Variants in ADGRB3 observed in about 807,000 individuals in gnomAD.
The protein encoded by ADGRB3 is adhesion G protein-coupled receptor B3.
ADGRB3 carries 37 observed loss-of-function variants against 193.4 expected under a neutral mutation model. The ratio of observed to expected loss-of-function variants is 0.19; its 90% CI spans 0.15 to 0.25. The LOEUF (loss-of-function observed/expected upper bound fraction) is 0.25. Among genes scored for constraint, ADGRB3 ranks in the 10% least tolerant of loss-of-function variants. The probability of loss-of-function intolerance (pLI) is 1.00; values close to 1 mark genes in which losing one functional copy is unlikely to be tolerated. For missense variants in ADGRB3, 1,637 were observed against 1,852.9 expected (o/e 0.88, Z 2.14); for synonymous variants, 690 against 644.2 (o/e 1.07, Z -1.08).
At chr6:69,088,354 T>C (rs1772607916) in intron 17 of ADGRB3, among the ~76,000 whole-genome samples, 1 of 152,136 alleles carries the variant, frequency 6.6e-6, no homozygotes. Flanking sequence ...AGCAATCTTA[T>C]GTGTTTCTTT....
At chr6:69,075,938 C>A in intron 16 of ADGRB3, 57 bp from the exon 17 acceptor site, 1 of 1,309,922 alleles carries the variant, frequency 7.6e-7, no homozygotes, top group Non-Finnish European at 1.1e-6. Flanking sequence ...CATAATCCCT[C>A]AATCTTTTTA....
At chr6:69,259,109 G>A (rs998156045) in intron 20 of ADGRB3, among the ~76,000 whole-genome samples, 2 of 152,074 alleles carry the variant, frequency 1.3e-5, no homozygotes, top group Non-Finnish European at 2.9e-5. Flanking sequence ...CTGGAGAAAA[G>A]CACATGATAT....
intron 17 of ADGRB3, among the ~76,000 whole-genome samples, chr6:69,107,405 TTTA>T (rs1216032414): frequency 2.6e-5 from 4 of 152,182 alleles, no homozygotes; most frequent in African/African-American, 9.7e-5. Context: ...TTATCAAATA[TTTA>T]TTGAGTGCCT....
At chr6:68,927,879 A>G (rs369936228) in intron 3 of ADGRB3, among the ~76,000 whole-genome samples, 2 of 152,248 alleles carry the variant, frequency 1.3e-5, no homozygotes, top group East Asian at 3.9e-4. Flanking sequence ...TTGTACAACA[A>G]TAATCAACAA....
At chr6:68,691,112 A>G (rs531582678) in intron 3 of ADGRB3, among the ~76,000 whole-genome samples, 5 of 152,264 alleles carry the variant, frequency 3.3e-5, no homozygotes, top group South Asian at 4.1e-4. Flanking sequence ...TAAAATGCAT[A>G]TAGGATCAAG....
intron 3 of ADGRB3, among the ~76,000 whole-genome samples, chr6:68,868,205 TC>T (rs1196245801): frequency 1.3e-5 from 2 of 152,106 alleles, no homozygotes; most frequent in Non-Finnish European, 2.9e-5. Flanking sequence ...GGGGGAGGTT[TC>T]CCCTATGCAG....
At chr6:68,857,691 A>T (rs1027164947) in intron 3 of ADGRB3, among the ~76,000 whole-genome samples, 1 of 152,186 alleles carries the variant, frequency 6.6e-6, no homozygotes, top group Non-Finnish European at 1.5e-5. Flanking sequence ...GACTTTTTGA[A>T]TTAATGCTGA....
intron 3 of ADGRB3, among the ~76,000 whole-genome samples, chr6:68,719,766 A>C (rs1408252553): frequency 6.6e-6 from 1 of 151,554 alleles, no homozygotes; most frequent in Non-Finnish European, 1.5e-5. Flanking sequence ...CATTTCATTG[A>C]TGATTTGGCA....
chr6:68,955,462 C>T (rs1381623575), intron 6 of ADGRB3, among the ~76,000 whole-genome samples: 1 of 152,048 alleles, frequency 6.6e-6, no homozygotes, highest in Non-Finnish European at 1.5e-5. Flanking sequence ...TTTGAGTGAT[C>T]AATAAATATT....
intron 20 of ADGRB3, among the ~76,000 whole-genome samples, chr6:69,307,769 C>T (rs1455882340): frequency 6.6e-6 from 1 of 151,274 alleles, no homozygotes; most frequent in Non-Finnish European, 1.5e-5. Flanking sequence ...TAGTTTACTG[C>T]AGTAGCCTAG....
At chr6:69,297,226 AAT>A (rs1235507281) in intron 20 of ADGRB3, among the ~76,000 whole-genome samples, 3 of 152,058 alleles carry the variant, frequency 2.0e-5, no homozygotes, top group Non-Finnish European at 4.4e-5. Flanking sequence ...CAATAGAGCC[AAT>A]ATATATCAGC....
At chr6:68,736,276 C>G (rs1765869953) in intron 3 of ADGRB3, among the ~76,000 whole-genome samples, 1 of 152,152 alleles carries the variant, frequency 6.6e-6, no homozygotes, top group Non-Finnish European at 1.5e-5. Flanking sequence ...GGCTCAGCCT[C>G]TCCAGTGCTA....
chr6:69,219,472 TATATATATATATATATATATAC>T (rs1331723671), intron 17 of ADGRB3, among the ~76,000 whole-genome samples: 15 of 77,046 alleles, frequency 1.9e-4, no homozygotes, highest in Non-Finnish European at 2.7e-4. Flanking sequence ...TATATATATA[TATATATATATATATATATATAC>T]GTGTGTGTGT....
chr6:69,329,887 G>A (rs1768678372), intron 22 of ADGRB3, among the ~76,000 whole-genome samples: 1 of 152,020 alleles, frequency 6.6e-6, no homozygotes, highest in Admixed American at 6.6e-5. Flanking sequence ...TACATCTCTT[G>A]GTGAATTTAG....
intron 17 of ADGRB3, among the ~76,000 whole-genome samples, chr6:69,142,067 G>T (rs907284129): frequency 3.3e-5 from 5 of 152,102 alleles, no homozygotes; most frequent in African/African-American, 9.7e-5. Context: ...CAAAATGATG[G>T]GGGAAAATGG....
intron 17 of ADGRB3, among the ~76,000 whole-genome samples, chr6:69,096,028 T>C (rs1017949186): frequency 2.0e-5 from 3 of 152,228 alleles, no homozygotes; most frequent in Admixed American, 1.3e-4. Flanking sequence ...TCAGCACTTT[T>C]ATTCATGGTT....
At chr6:69,310,816 C>A (rs1053700469) in intron 20 of ADGRB3, among the ~76,000 whole-genome samples, 3 of 151,652 alleles carry the variant, frequency 2.0e-5, no homozygotes, top group Admixed American at 6.6e-5. Flanking sequence ...AAGAAAAAGA[C>A]CTCCTAGAGT....
At position 68,866,379 on chromosome 6, in the gene ADGRB3, G is replaced by A. The variant is rs549647257; in HGVS notation, c.758-64180G>A. On this transcript the variant is annotated intron_variant, in intron 3 of 31. Coordinates refer to ENST00000370598, the MANE Select transcript of ADGRB3 (RefSeq NM_001704.3). ...ATGCCTTGCTTCCCCTTCACCTTCT[G>A]CCATGATTGCTAGTTTCCTGAGGCC... Among the ~76,000 whole-genome samples the A allele has an allele frequency of 2.0e-5, 3 of 152,208 alleles. No individual in the cohort carries two copies. The South Asian group carries it at 6.2e-4, about 32-fold the overall frequency.
chr6:69,023,536 G>A (rs1247517107), intron 13 of ADGRB3, among the ~76,000 whole-genome samples: 1 of 152,036 alleles, frequency 6.6e-6, no homozygotes. Flanking sequence ...GGAAAAAAAT[G>A]GCCTATTTTA....
Sources: gnomAD v4.1 joint callset for allele counts (sites outside exome capture counted in the v4.1 genomes callset) on GRCh38, gnomAD v4.1.1 for gene constraint, MANE v1.5 for transcripts, NCBI Gene and HGNC (gene_info 2026-07-23, HGNC 2026-07-21) for gene names.